NFIX: variants seen among roughly 807,000 people sequenced by gnomAD.
NFIX encodes nuclear factor I X, also known as nuclear factor 1 X-type.
A neutral mutation model predicts 53.3 loss-of-function variants in NFIX; 2 were observed. The ratio of observed to expected loss-of-function variants is 0.04; its 90% CI spans 0.02 to 0.12. The LOEUF is 0.12. Among genes scored for constraint, NFIX ranks in the 10% least tolerant of loss-of-function variants. The probability of loss-of-function intolerance (pLI) is 1.00; values close to 1 mark genes in which losing one functional copy is unlikely to be tolerated. For synonymous variants in NFIX, 244 were observed against 289.0 expected (o/e 0.84, Z 1.58); for missense variants, 310 against 674.5 (o/e 0.46, Z 5.99).
intron 8 of NFIX, among the ~76,000 whole-genome samples, chr19:13,084,210 G>A (rs2017639546): frequency 6.6e-6 from 1 of 152,200 alleles, no homozygotes; most frequent in Admixed American, 6.5e-5. Context: ...GGGAGGCTGA[G>A]GCAGGCAGAT....
At chr19:13,035,953 C>T (rs980308372) in intron 2 of NFIX, among the ~76,000 whole-genome samples, 6 of 152,220 alleles carry the variant, frequency 3.9e-5, no homozygotes, top group South Asian at 2.1e-4. Flanking sequence ...ACAGTTTCAG[C>T]GTGTCATTCC....
At chr19:13,056,795 C>G (rs1302381866) in intron 2 of NFIX, among the ~76,000 whole-genome samples, 1 of 152,226 alleles carries the variant, frequency 6.6e-6, no homozygotes, top group East Asian at 1.9e-4. Context: ...TTAAGAATTT[C>G]AAGACAGCAA....
chr19:13,003,703 A>G (rs1314571604), intron 1 of NFIX, among the ~76,000 whole-genome samples: 1 of 151,870 alleles, frequency 6.6e-6, no homozygotes, highest in Admixed American at 6.6e-5. Flanking sequence ...CAGTGGTGCG[A>G]TCTCGGCTCA....
chr19:13,067,483 CGTGTGTGT>C lies in NFIX; in HGVS notation c.560-5549_560-5542del, dbSNP rs3982404. Among the ~76,000 whole-genome samples the C allele has an allele frequency of 7.9e-3, 1,169 of 147,416 alleles. 13 individuals carry two copies. The highest frequency in any genetic ancestry group is 0.028 in the African/African-American group (1,117 of 40,338). ...GCGCGCGTGTGTGTGTGTGTGTGTG[CGTGTGTGT>C]GTGTGTGTGTGTGTATGTGTGTGTC... On this transcript the variant is annotated intron_variant, in intron 2 of 10. Transcript: ENST00000592199. The surrounding 1 kb of genome is among the most constrained non-coding windows in gnomAD (Gnocchi z 4.2).
intron 2 of NFIX, among the ~76,000 whole-genome samples, chr19:13,041,811 T>A (rs2014644646): frequency 6.8e-6 from 1 of 146,228 alleles, no homozygotes; most frequent in African/African-American, 2.6e-5. Context: ...AAAAAAAAAA[T>A]CAGTACCATT....
rs1202324121 is a variant in NFIX, at chr19:13,081,336, A to G, written c.1079-344A>G. Among the ~76,000 whole-genome samples the G allele has an allele frequency of 6.6e-6, 1 of 152,122 alleles. No individual in the cohort carries two copies. Among genetic ancestry groups the G allele is most frequent in the Non-Finnish European group, 1.5e-5 (1 of 68,020 alleles). On this transcript the variant is annotated intron_variant, in intron 7 of 10. Transcript: ENST00000592199. This position sits in a 1 kb window ranked among gnomAD's most constrained non-coding sequence, Gnocchi z 4.7. ...AATAATAACACTTTTTTAAAAAGCC[A>G]AATAAAATAAAGACAAGATCCTACC...
At chr19:13,017,819 C>G (rs1490079447) in intron 1 of NFIX, among the ~76,000 whole-genome samples, 1 of 152,236 alleles carries the variant, frequency 6.6e-6, no homozygotes, top group Non-Finnish European at 1.5e-5. Context: ...TTCAGTTCTT[C>G]TTCAGAAAGA....
intron 8 of NFIX, among the ~76,000 whole-genome samples, chr19:13,085,949 T>G (rs1371986379): frequency 6.6e-6 from 1 of 152,166 alleles, no homozygotes; most frequent in South Asian, 2.1e-4. Context: ...GTGGCCTGTT[T>G]TGAAGGTTCC....
Position 13,049,674 on chromosome 19 carries a change from A to G in NFIX, c.560-23373A>G, listed in dbSNP as rs1227015666. ...AGTGGCGCGATCTCTGCTCACTGCA[A>G]CCTCTGCCTCCTGGGTTCAAGCGAT... On this transcript the variant is annotated intron_variant, in intron 2 of 10. Transcript: ENST00000592199. This position sits in a 1 kb window ranked among gnomAD's most constrained non-coding sequence, Gnocchi z 4.5. Among the ~76,000 whole-genome samples the G allele has an allele frequency of 6.6e-6, 1 of 150,878 alleles. No homozygotes were observed. Among genetic ancestry groups the G allele is most frequent in the Admixed American group, 6.6e-5 (1 of 15,146 alleles).
In NFIX at chr19:13,081,891, C is replaced by T. The variant is rs1261030009; in HGVS notation, c.1254+36C>T. The T allele has an allele frequency of 6.2e-7, 1 of 1,608,310 alleles. No individual in the cohort carries two copies. The highest frequency in any genetic ancestry group is 8.5e-7 in the Non-Finnish European group (1 of 1,176,812). ...AGGGCCCCAGGAGCCCGGCTACAGC[C>T]TCATCTCCACATCTATCTGTCTGTC... On this transcript the variant is annotated intron_variant, in intron 8 of 10. Transcript: ENST00000592199. The surrounding 1 kb of genome is among the most constrained non-coding windows in gnomAD (Gnocchi z 4.7).
intron 7 of NFIX, among the ~76,000 whole-genome samples, chr19:13,079,781 GC>G (rs1328643281): frequency 6.6e-6 from 1 of 152,220 alleles, no homozygotes; most frequent in Admixed American, 6.5e-5. Context: ...AGTTTCCTCA[GC>G]CCCCTAATGA....
At position 13,045,958 on chromosome 19, in the gene NFIX, C is replaced by T. The variant is rs1297558194; in HGVS notation, c.559+20406C>T. Among the ~76,000 whole-genome samples the T allele has an allele frequency of 1.3e-5, 2 of 152,298 alleles. No individual in the cohort carries two copies. The highest frequency in any genetic ancestry group is 6.5e-5 in the Admixed American group (1 of 15,308). On this transcript the variant is annotated intron_variant, in intron 2 of 10. Transcript: ENST00000592199. This position sits in a 1 kb window ranked among gnomAD's most constrained non-coding sequence, Gnocchi z 4.4. Reference sequence around the variant, plus strand: ...TACGCAGAAATAGGAAGGGCTGACACTCTCCAGCTTCCATCTTGCAAGGAC... The same window carrying T: ...TACGCAGAAATAGGAAGGGCTGACATTCTCCAGCTTCCATCTTGCAAGGAC...
rs2012415527 is a variant in NFIX, at chr19:13,012,530, G to A, written c.28-12491G>A. On this transcript the variant is annotated intron_variant, in intron 1 of 10. Transcript: ENST00000592199. The surrounding 1 kb of genome is among the most constrained non-coding windows in gnomAD (Gnocchi z 5.0). Reference sequence around the variant, plus strand: ...TTCACCATTTGCTGCGTCAAAGGCCGCCGCCAAAAGGGGCTCCGATGTCGG... The same window carrying A: ...TTCACCATTTGCTGCGTCAAAGGCCACCGCCAAAAGGGGCTCCGATGTCGG... Among the ~76,000 whole-genome samples, 1 of 148,384 alleles carries A rather than the reference G, an allele frequency of 6.7e-6. No homozygotes were observed. Among genetic ancestry groups the A allele is most frequent in the South Asian group, 2.3e-4 (1 of 4,396 alleles).
In NFIX at chr19:13,028,315, A is replaced by G. The variant is rs1346952238; in HGVS notation, c.559+2763A>G. ...GACAAGAGCTGCTTTGGACTCTGAA[A>G]TAAGTGTTTTTCCTTTTCTTAAGAC... On this transcript the variant is annotated intron_variant, in intron 2 of 10. Transcript: ENST00000592199. This position sits in a 1 kb window ranked among gnomAD's most constrained non-coding sequence, Gnocchi z 4.2. Among the ~76,000 whole-genome samples the G allele has an allele frequency of 4.6e-5, 7 of 152,198 alleles. No individual in the cohort carries two copies. Among genetic ancestry groups the G allele is most frequent in the African/African-American group, 7.2e-5 (3 of 41,444 alleles).
chr19:13,036,934 T>C lies in NFIX; in HGVS notation c.559+11382T>C, dbSNP rs538306342. ...ATCATTGTTTCCTTAGTAACAGGAA[T>C]GCTCCCGGGGGACCAAGTGAAGAAA... On this transcript the variant is annotated intron_variant, in intron 2 of 10. Coordinates refer to ENST00000592199, the MANE Select transcript of NFIX (RefSeq NM_001365902.3). This position sits in a 1 kb window ranked among gnomAD's most constrained non-coding sequence, Gnocchi z 4.7. 1.3e-5 allele frequency among the ~76,000 whole-genome samples: 2 copies of C among 152,218 alleles called. No individual in the cohort carries two copies. Among genetic ancestry groups the C allele is most frequent in the East Asian group, 1.9e-4 (1 of 5,180 alleles).
chr19:13,060,627 G>A lies in NFIX; in HGVS notation c.560-12420G>A, dbSNP rs369962825. 6.6e-6 allele frequency among the ~76,000 whole-genome samples: 1 copy of A among 152,192 alleles called. No individual in the cohort carries two copies. Among genetic ancestry groups the A allele is most frequent in the Admixed American group, 6.5e-5 (1 of 15,286 alleles). ...GTGACCCTTGGTGCCTGGCAAGGCG[G>A]GGGGGTAGGGAGCAGCCCTCGCACA... On this transcript the variant is annotated intron_variant, in intron 2 of 10. Coordinates refer to ENST00000592199, the MANE Select transcript of NFIX (RefSeq NM_001365902.3). This position sits in a 1 kb window ranked among gnomAD's most constrained non-coding sequence, Gnocchi z 4.3.
In NFIX at chr19:13,089,251, T is replaced by C. The variant is rs1352209218; in HGVS notation, c.1403-1048T>C. On this transcript the variant is annotated intron_variant, in intron 9 of 10. Coordinates refer to ENST00000592199, the MANE Select transcript of NFIX (RefSeq NM_001365902.3). The surrounding 1 kb of genome is among the most constrained non-coding windows in gnomAD (Gnocchi z 4.8). ...CACTTCTGGAGAGAGGTGGGCAGAA[T>C]CTGGTGAGCATGGAGTCCCTGGGTG... Among the ~76,000 whole-genome samples, 1 of 152,116 alleles carries C rather than the reference T, an allele frequency of 6.6e-6. No homozygotes were observed.
At chr19:13,091,356 T>G (rs1469018924) in intron 10 of NFIX, among the ~76,000 whole-genome samples, 1 of 142,404 alleles carries the variant, frequency 7.0e-6, no homozygotes. Context: ...GTTGTGTGTG[T>G]GGTTTGAGAT....
At position 13,022,793 on chromosome 19, in the gene NFIX, A is replaced by G. The variant is rs1399922143; in HGVS notation, c.28-2228A>G. On this transcript the variant is annotated intron_variant, in intron 1 of 10. Transcript: ENST00000592199. This position sits in a 1 kb window ranked among gnomAD's most constrained non-coding sequence, Gnocchi z 4.5. ...AAAAAAAAATTTCGAGTCTTCCACA[A>G]TCCCAGTCCCCCCCAATGCCCCACC... Among the ~76,000 whole-genome samples, 1 of 152,050 alleles carries G rather than the reference A, an allele frequency of 6.6e-6. No homozygotes were observed.
Sources: gnomAD v4.1 joint callset for allele counts (sites outside exome capture counted in the v4.1 genomes callset) on GRCh38, gnomAD v4.1.1 for gene constraint, Gnocchi (gnomAD v3.1) non-coding constraint, MANE v1.5 for transcripts, NCBI Gene and HGNC (gene_info 2026-07-23, HGNC 2026-07-21) for gene names.